The following SHPRH variants were observed in gnomAD, a reference collection of about 807,000 sequenced individuals.
The protein encoded by SHPRH is SNF2 histone linker PHD RING helicase.
Under a neutral mutation model 202.5 loss-of-function variants are expected in SHPRH, and 106 were observed. The ratio of observed to expected loss-of-function variants is 0.52; its 90% CI spans 0.45 to 0.62. The LOEUF (loss-of-function observed/expected upper bound fraction) is 0.62, where lower values mean the gene tolerates loss of function less well. Ranked by LOEUF, SHPRH falls within the 20% of genes least tolerant of loss-of-function variation. SHPRH has a pLI of 0.00. For synonymous variants in SHPRH, 729 were observed against 686.0 expected, an observed-to-expected ratio of 1.06 and a Z score of -0.98; for missense variants, 1,710 against 2,020.0, an observed-to-expected ratio of 0.85 and a Z score of 2.94.
intron 25 of SHPRH, among the ~76,000 whole-genome samples, chr6:145,899,418 A>G (rs1782298317): frequency 1.3e-5 from 2 of 152,166 alleles, no homozygotes; most frequent in African/African-American, 4.8e-5. Flanking sequence ...TTTAACAAAG[A>G]TAAGAAGATC....
downstream of SHPRH, chr6:145,884,537 A>C (rs1780829421): frequency 6.6e-6 from 1 of 152,150 alleles, no homozygotes; most frequent in African/African-American, 2.4e-5. Context: ...ATTTAAGAAC[A>C]ACTACTTCTA....
intron 2 of SHPRH, among the ~76,000 whole-genome samples, chr6:145,866,002 CT>C (rs1421719228): frequency 1.8e-4 from 28 of 152,180 alleles, no homozygotes; most frequent in Admixed American, 6.5e-5. Flanking sequence ...TTTATGCATC[CT>C]TCCTCTGGTG....
intron 3 of SHPRH, 51 bp from the exon 4 acceptor site, chr6:145,950,533 T>C (rs148383918): frequency 1.9e-5 from 30 of 1,539,272 alleles, no homozygotes; most frequent in South Asian, 1.2e-5. Context: ...TTTTTCTAAC[T>C]ATAAGCAATT....
chr6:145,912,075 G>C (rs926238863), intron 24 of SHPRH, among the ~76,000 whole-genome samples: 4 of 151,370 alleles, frequency 2.6e-5, no homozygotes, highest in Non-Finnish European at 4.4e-5. Context: ...CCACCTACAT[G>C]TGCAATGGAG....
At chr6:145,907,996 C>T (rs1200254077) in intron 25 of SHPRH, 3 of 152,116 alleles carry the variant, frequency 2.0e-5, no homozygotes, top group Non-Finnish European at 4.4e-5. Flanking sequence ...TCAACTCCCA[C>T]TTACGAGTGA....
chr6:145,878,908 A>C (rs1780428023), intron 2 of SHPRH, among the ~76,000 whole-genome samples: 2 of 152,246 alleles, frequency 1.3e-5, no homozygotes, highest in African/African-American at 4.8e-5. Context: ...AAAGCTAATC[A>C]GTGTGTATAA....
intron 1 of SHPRH, among the ~76,000 whole-genome samples, chr6:145,962,131 C>T (rs1386819669): frequency 6.6e-6 from 1 of 152,190 alleles, no homozygotes; most frequent in Non-Finnish European, 1.5e-5. Context: ...AAGCCTTTTG[C>T]TTGAATTGCT....
At chr6:145,861,644 C>G (rs755828216), downstream of SHPRH, among the ~76,000 whole-genome samples, 1 of 152,150 alleles carries the variant, frequency 6.6e-6, no homozygotes, top group Non-Finnish European at 1.5e-5. Flanking sequence ...TATCCATCCT[C>G]CCATATTCGT....
chr6:145,871,293 A>G (rs1323305599), intron 2 of SHPRH: 2 of 152,178 alleles, frequency 1.3e-5, no homozygotes, highest in Non-Finnish European at 2.9e-5. Context: ...ACATAATCCT[A>G]TATCTAGAAA....
At chr6:145,866,566 A>C (rs1779791376) in intron 2 of SHPRH, among the ~76,000 whole-genome samples, 1 of 152,208 alleles carries the variant, frequency 6.6e-6, no homozygotes, top group Non-Finnish European at 1.5e-5. Flanking sequence ...TTTTATCATT[A>C]TCAGACATTA....
intron 17 of SHPRH, among the ~76,000 whole-genome samples, 170 bp downstream of exon 17, chr6:145,924,569 A>G (rs1784700989): frequency 6.6e-6 from 1 of 151,944 alleles, no homozygotes; most frequent in Non-Finnish European, 1.5e-5. Flanking sequence ...CACTCAACCA[A>G]TAAATCATTG....
At chr6:145,890,891 C>A (rs1203568160) in intron 28 of SHPRH, among the ~76,000 whole-genome samples, 2 of 152,152 alleles carry the variant, frequency 1.3e-5, no homozygotes, top group African/African-American at 4.8e-5. Context: ...ACTATCAGTT[C>A]TATCTTCAAA....
chr6:145,931,645 A>T (rs544914154), intron 14 of SHPRH, among the ~76,000 whole-genome samples: 1 of 151,448 alleles, frequency 6.6e-6, no homozygotes, highest in African/African-American at 2.4e-5. Flanking sequence ...CTGATTTTTT[A>T]TTTTTTCTTT....
rs968011690 is a variant in SHPRH, at chr6:145,935,393, T to C, written c.2618A>G (p.Lys873Arg). The C allele has an allele frequency of 3.7e-6, 6 of 1,613,878 alleles. No individual in the cohort carries two copies. The African/African-American group carries it at 4.0e-5, about 11-fold the overall frequency. ...ATAGAGAAGTCGAACCCACCAGTGT[T>C]TGACACAGTAAGGTTCAATACCAAG... Reference protein sequence around the residue: ...VFLGIEPYCVKHWWVRLLYRP... With the variant: ...VFLGIEPYCVRHWWVRLLYRP... The change falls in exon 12 of 30, where the codon AAA becomes AGA. Residue 873 changes from lysine to arginine, a missense_variant. This residue lies in a region of SHPRH where 277 missense variants were observed against 363.0 expected (regional missense o/e 0.76). Coordinates refer to ENST00000275233, the MANE Select transcript of SHPRH (RefSeq NM_001042683.3).
chr6:145,947,080 T>C (rs1787464605), intron 6 of SHPRH, among the ~76,000 whole-genome samples: 2 of 152,106 alleles, frequency 1.3e-5, no homozygotes, highest in Non-Finnish European at 2.9e-5. Context: ...CTACTTGTTC[T>C]TTAACAAAGT....
At chr6:145,957,395 A>C (rs1368421050) in intron 1 of SHPRH, among the ~76,000 whole-genome samples, 2 of 152,156 alleles carry the variant, frequency 1.3e-5, no homozygotes, top group African/African-American at 2.4e-5. Flanking sequence ...GGTTCTTCAA[A>C]AGATACTGTC....
At chr6:145,916,126 C>T (rs536647194) in intron 23 of SHPRH, among the ~76,000 whole-genome samples, 26 of 152,116 alleles carry the variant, frequency 1.7e-4, no homozygotes, top group Non-Finnish European at 3.4e-4. Context: ...GTCTGGTCTC[C>T]AATGAGTTTT....
rs1787512252 is a variant in SHPRH at position 145,947,474 on chromosome 6, C to G, written c.1212+19G>C. ...AACATATGTCCCCTGCTTTTGCAAGCCCTACTATACCCTCCTACCTCGGGA... is the reference window on the plus strand; with the variant it reads ...AACATATGTCCCCTGCTTTTGCAAGGCCTACTATACCCTCCTACCTCGGGA... On this transcript the variant is annotated intron_variant, in intron 6 of 29. Transcript: ENST00000275233. 1.2e-6 allele frequency: 2 copies of G among 1,604,998 alleles called. No homozygotes were observed. The highest frequency in any genetic ancestry group is 2.2e-5 in the South Asian group (2 of 89,460).
chr6:145,891,441 A>G (rs1410505303), intron 28 of SHPRH, among the ~76,000 whole-genome samples: 2 of 151,790 alleles, frequency 1.3e-5, no homozygotes, highest in Non-Finnish European at 2.9e-5. Flanking sequence ...TTACTTCCTC[A>G]CCCTGCTCTA....
Sources: gnomAD v4.1 joint callset for allele counts (sites outside exome capture counted in the v4.1 genomes callset) on GRCh38, gnomAD v4.1.1 for gene constraint, gnomAD v4.1.1 regional missense constraint, MANE v1.5 for transcripts, NCBI Gene and HGNC (gene_info 2026-07-23, HGNC 2026-07-21) for gene names.